The following NDUFAF5 variants were observed in gnomAD, a reference collection of about 807,000 sequenced individuals.
The protein encoded by NDUFAF5 is NADH:ubiquinone oxidoreductase complex assembly factor 5, also known as arginine-hydroxylase NDUFAF5, mitochondrial.
In NDUFAF5, 34 loss-of-function variants were observed where a neutral mutation model predicts 48.9. The observed-to-expected ratio is 0.70, with a 90% CI of 0.53 to 0.93. NDUFAF5 has a LOEUF of 0.93. Among genes scored for constraint, NDUFAF5 ranks in the 40% least tolerant of loss-of-function variants. NDUFAF5 has a pLI of 0.00. For missense variants in NDUFAF5, 428 were observed against 427.5 expected (o/e 1.00, Z -0.01); for synonymous variants, 153 against 150.6 (o/e 1.02, Z -0.12).
chr20:13,787,062 T>C, intron 1 of NDUFAF5: 1 of 535,460 alleles, frequency 1.9e-6, no homozygotes, highest in South Asian at 2.0e-5. Flanking sequence ...GCCACATATA[T>C]ATATGTGTGT....
Position 13,817,390 on chromosome 20 carries a change from G to A in NDUFAF5, c.*180G>A, listed in dbSNP as rs776626159. 2.9e-6 allele frequency: 2 copies of A among 696,576 alleles called. No homozygotes were observed. Among genetic ancestry groups the A allele is most frequent in the Non-Finnish European group, 2.6e-6 (1 of 382,186 alleles). The allele number at this position is 696,576 out of a possible 1,614,324, so 43.1% of individuals were successfully genotyped here. ...ACCATTTCAGTTTCATATTGTTTCTGTTCTCATAAGGATACTGCTGAGTGT... is the reference window on the plus strand; with the variant it reads ...ACCATTTCAGTTTCATATTGTTTCTATTCTCATAAGGATACTGCTGAGTGT... On this transcript the variant is annotated 3_prime_UTR_variant, in exon 11 of 11. Transcript: ENST00000378106.
intron 6 of NDUFAF5, 57 bp from the exon 7 acceptor site, chr20:13,801,425 ATTTT>A: frequency 9.1e-7 from 1 of 1,095,750 alleles, no homozygotes; most frequent in Non-Finnish European, 1.3e-6. Flanking sequence ...CTATATATTT[ATTTT>A]TTAACATTTA....
At chr20:13,795,067 T>C in intron 5 of NDUFAF5, 126 bp downstream of exon 5, 1 of 691,144 alleles carries the variant, frequency 1.4e-6, no homozygotes, top group Non-Finnish European at 2.6e-6. Context: ...CCGAGGCGAG[T>C]GAATCTCTTG....
At chr20:13,796,295 C>T (rs543306706) in intron 5 of NDUFAF5, among the ~76,000 whole-genome samples, 2 of 152,298 alleles carry the variant, frequency 1.3e-5, no homozygotes, top group South Asian at 4.1e-4. Context: ...TAGAAAACTA[C>T]TCACATTCTG....
chr20:13,812,436 A>C (rs1342983969), intron 8 of NDUFAF5, among the ~76,000 whole-genome samples: 1 of 152,200 alleles, frequency 6.6e-6, no homozygotes, highest in Non-Finnish European at 1.5e-5. Context: ...TGGTGGGCTG[A>C]TGATATATCA....
rs1982929363 is a variant in NDUFAF5, at chr20:13,794,867, T to C, written c.405T>C (p.Thr135=). The C allele has an allele frequency of 6.2e-7, 1 of 1,612,370 alleles. No homozygotes were observed. The highest frequency in any genetic ancestry group is 8.5e-7 in the Non-Finnish European group (1 of 1,178,472). Residue 135 remains threonine (T), a synonymous_variant, in exon 5 of 11, where the codon ACT becomes ACC. Transcript: ENST00000378106. ...ATTCCTCAGAAACAGAAATACCTACTGTCAGCGTTTTAGCTGATGAAGAAT... is the reference window on the plus strand; with the variant it reads ...ATTCCTCAGAAACAGAAATACCTACCGTCAGCGTTTTAGCTGATGAAGAAT... The part of the protein sequence containing the change: ...LKNSSETEIP[T]VSVLADEEFL...
At chr20:13,789,074 T>A (rs1981745546) in intron 3 of NDUFAF5, among the ~76,000 whole-genome samples, 1 of 152,182 alleles carries the variant, frequency 6.6e-6, no homozygotes, top group Non-Finnish European at 1.5e-5. Flanking sequence ...AACATTGTAT[T>A]TTGCACTTTA....
intron 9 of NDUFAF5, 67 bp from the exon 10 acceptor site, chr20:13,816,808 C>A: frequency 9.8e-7 from 1 of 1,016,658 alleles, no homozygotes; most frequent in South Asian, 1.3e-5. Flanking sequence ...AAGAACATGA[C>A]CTTTATTGAG....
chr20:13,816,185 G>A, intron 8 of NDUFAF5: 2 of 466,588 alleles, frequency 4.3e-6, no homozygotes, highest in South Asian at 2.1e-5. Context: ...TTTGCCCAGC[G>A]GGCTTACTTT....
chr20:13,805,109 G>A (rs1022959569), intron 7 of NDUFAF5, among the ~76,000 whole-genome samples: 1 of 152,204 alleles, frequency 6.6e-6, no homozygotes, highest in East Asian at 1.9e-4. Flanking sequence ...GATGAAAAAA[G>A]AATCTCCGGG....
At chr20:13,800,593 G>A (rs1983968138) in intron 6 of NDUFAF5, among the ~76,000 whole-genome samples, 1 of 152,142 alleles carries the variant, frequency 6.6e-6, no homozygotes, top group African/African-American at 2.4e-5. Flanking sequence ...TTTTAAAGCT[G>A]GAAAATAAAT....
intron 3 of NDUFAF5, among the ~76,000 whole-genome samples, chr20:13,790,487 C>T (rs568693223): frequency 1.9e-4 from 29 of 152,350 alleles, no homozygotes; most frequent in African/African-American, 7.0e-4. Flanking sequence ...GCTATCATCG[C>T]CCCTTGCCTA....
intron 1 of NDUFAF5, 93 bp downstream of exon 1, chr20:13,785,383 C>T (rs1980852431): frequency 1.8e-6 from 2 of 1,113,858 alleles, no homozygotes; most frequent in Non-Finnish European, 2.6e-6. Flanking sequence ...GCTCACCCCA[C>T]CTAGCCGTCT....
chr20:13,799,072 C>G (rs1983705366), intron 6 of NDUFAF5, among the ~76,000 whole-genome samples: 1 of 152,214 alleles, frequency 6.6e-6, no homozygotes, highest in Middle Eastern at 3.4e-3. Context: ...AAGGCAGAAT[C>G]ACAGGATAGG....
chr20:13,801,515 G>A lies in NDUFAF5; in HGVS notation c.549G>A (p.Val183=), dbSNP rs1411278822. ...QIHYILKPDG[V]FIGAMFGGDT... ...ATTATATTTTAAAACCAGATGGAGT[G>A]TTTATCGGTGCAATGTTTGGAGGCG... Residue 183 remains valine (V), a synonymous_variant, in exon 7 of 11, where the codon GTG becomes GTA. Transcript: ENST00000378106. 2 of 1,613,424 alleles carry A rather than the reference G, an allele frequency of 1.2e-6. No homozygotes were observed. Among genetic ancestry groups the A allele is most frequent in the Non-Finnish European group, 1.7e-6 (2 of 1,179,602 alleles).
At chr20:13,807,948 TAA>T (rs11349642) in intron 7 of NDUFAF5, among the ~76,000 whole-genome samples, 2,978 of 148,042 alleles carry the variant, frequency 0.02, 30 homozygotes, top group Non-Finnish European at 0.025. Context: ...GAATCCGTCT[TAA>T]AAAAAAAAAA....
chr20:13,804,873 T>A (rs1280457423), intron 7 of NDUFAF5, among the ~76,000 whole-genome samples: 1 of 152,154 alleles, frequency 6.6e-6, no homozygotes, highest in African/African-American at 2.4e-5. Flanking sequence ...AATACTGGGA[T>A]GTTGTACACA....
chr20:13,786,214 T>C (rs1981084418), intron 1 of NDUFAF5, among the ~76,000 whole-genome samples: 1 of 152,210 alleles, frequency 6.6e-6, no homozygotes, highest in South Asian at 2.1e-4. Context: ...ATTGAACTCA[T>C]AGCTTGAGCA....
chr20:13,785,568 G>A (rs981574921), intron 1 of NDUFAF5, among the ~76,000 whole-genome samples: 2 of 152,336 alleles, frequency 1.3e-5, no homozygotes, highest in African/African-American at 2.4e-5. Flanking sequence ...GAGAGTGGGA[G>A]AGAAGGTTAG....
Sources: gnomAD v4.1 joint callset for allele counts (sites outside exome capture counted in the v4.1 genomes callset) on GRCh38, gnomAD v4.1.1 for gene constraint, MANE v1.5 for transcripts, NCBI Gene and HGNC (gene_info 2026-07-23, HGNC 2026-07-21) for gene names.